The following CD68 variants were observed in gnomAD, a reference collection of about 807,000 sequenced individuals.
CD68 encodes the protein CD68 molecule, also known as macrosialin.
In CD68, 24 loss-of-function variants were observed where a neutral mutation model predicts 31.3. The ratio of observed to expected loss-of-function variants is 0.77; its 90% CI spans 0.55 to 1.08. The LOEUF is 1.08. Ranked by LOEUF, CD68 falls within the 50% of genes least tolerant of loss-of-function variation. The pLI, the probability that CD68 is intolerant of heterozygous loss-of-function variation, is 0.00. For synonymous variants in CD68, 190 were observed against 179.6 expected, an observed-to-expected ratio of 1.06 and a Z score of -0.46; for missense variants, 461 against 442.5, an observed-to-expected ratio of 1.04 and a Z score of -0.38.
At position 7,580,428 on chromosome 17, in the gene CD68, A is replaced by G. The variant is rs757529147; in HGVS notation, c.568-38A>G. 3 of 1,612,822 alleles carry G rather than the reference A, an allele frequency of 1.9e-6. No homozygotes were observed. Among genetic ancestry groups the G allele is most frequent in the Middle Eastern group, 3.3e-4 (2 of 6,062 alleles). On this transcript the variant is annotated intron_variant, in intron 2 of 5. Transcript: ENST00000250092. This position sits in a 1 kb window ranked among gnomAD's most constrained non-coding sequence, Gnocchi z 4.3. ...GACAGGGAACCTTGGCCGGCATCGC[A>G]TGCAGTCTTGTGACCTTCCAGTCTT...
chr17:7,579,915 G>A lies in CD68; in HGVS notation c.155G>A (p.Arg52Lys). 1.2e-6 allele frequency: 2 copies of A among 1,613,894 alleles called. No homozygotes were observed. The highest frequency in any genetic ancestry group is 1.7e-6 in the Non-Finnish European group (2 of 1,179,914). The stretch of plus-strand genomic sequence containing the variant: ...GAGAGCACTGGAACAACCAGCCACA[G>A]GACTACCAAGAGCCACAAAACCACC... ...VTESTGTTSH[R>K]TTKSHKTTTH... The change falls in exon 2 of 6, where the codon AGG becomes AAG. Residue 52 changes from arginine (R) to lysine (K), a missense_variant. Transcript: ENST00000250092.
chr17:7,581,268 T>C (rs2071481539), intron 5 of CD68, 110 bp from the exon 6 acceptor site: 1 of 1,369,900 alleles, frequency 7.3e-7, no homozygotes, highest in African/African-American at 1.4e-5. Context: ...GTCACTGCGG[T>C]GAGCTCCTCA....
Position 7,581,560 on chromosome 17 carries a change from G to GGGGA in CD68, c.*52_*53insAGGG, listed in dbSNP as rs963720197. ...ACTGAGGGGGTTGGGGTGTGGTGGG[G>GGGGA]GGGTACCCTTATTTCCTCGACACGC... On this transcript the variant is annotated 3_prime_UTR_variant, in exon 6 of 6. Coordinates refer to ENST00000250092, the MANE Select transcript of CD68 (RefSeq NM_001251.3). 7 of 1,594,656 alleles carry GGGGA rather than the reference G, an allele frequency of 4.4e-6. No individual in the cohort carries two copies. The highest frequency in any genetic ancestry group is 1.3e-5 in the African/African-American group (1 of 74,618).
Position 7,579,980 on chromosome 17 carries a change from C to G in CD68, c.220C>G (p.Pro74Ala), listed in dbSNP as rs777785825. 15 of 1,609,004 alleles carry G rather than the reference C, an allele frequency of 9.3e-6. No homozygotes were observed. Among genetic ancestry groups the G allele is most frequent in the African/African-American group, 2.7e-5 (2 of 74,832 alleles). The change falls in exon 2 of 6, where the codon CCC becomes GCC. Residue 74 changes from proline (P) to alanine (A), a missense_variant. By Grantham distance (27) the Pro-to-Ala change is conservative. Coordinates refer to ENST00000250092, the MANE Select transcript of CD68 (RefSeq NM_001251.3). ...TTTTGTTSHG[P>A]TTATHNPTTT... The stretch of plus-strand genomic sequence containing the variant: ...CACCACAGGCACCACCAGCCACGGA[C>G]CCACGACTGCCACTCACAACCCCAC...
rs919495617 is a variant in CD68, at chr17:7,579,647, C to G, written c.-31C>G. On this transcript the variant is annotated 5_prime_UTR_variant, in exon 1 of 6. Coordinates refer to ENST00000250092, the MANE Select transcript of CD68 (RefSeq NM_001251.3). ...GGGTTGAGCAACTGGTGCAGACAGC[C>G]TAGCTGGACTTTGGGTGAGGCGGTT... 1.3e-6 allele frequency: 2 copies of G among 1,595,274 alleles called. No individual in the cohort carries two copies. The highest frequency in any genetic ancestry group is 1.7e-6 in the Non-Finnish European group (2 of 1,171,662).
At position 7,579,724 on chromosome 17, in the gene CD68, C is replaced by G; in HGVS notation, c.47C>G (p.Ala16Gly). ...LFSGALLGLL[A>G]AQGTGNDCPH... ...TCGGGGGCCCTGCTGGGGCTACTGG[C>G]AGGTAAGGAGGAAGGAGGCTGAGGG... The change falls in exon 1 of 6, where the codon GCA (alanine) becomes GGA (glycine). Residue 16 changes from alanine (A) to glycine (G), a missense_variant and splice_region_variant. Physicochemically the swap from Ala to Gly is moderately conservative, Grantham distance 60. Coordinates refer to ENST00000250092, the MANE Select transcript of CD68 (RefSeq NM_001251.3). 1 of 1,603,570 alleles carries G rather than the reference C, an allele frequency of 6.2e-7. No homozygotes were observed. Among genetic ancestry groups the G allele is most frequent in the Non-Finnish European group, 8.5e-7 (1 of 1,175,670 alleles).
chr17:7,579,686 G>A lies in CD68; in HGVS notation c.9G>A (p.Leu3=). The change falls in exon 1 of 6, where the codon CTG becomes CTA. Residue 3 remains leucine (L), a synonymous_variant. Coordinates refer to ENST00000250092, the MANE Select transcript of CD68 (RefSeq NM_001251.3). Reference sequence around the variant, plus strand: ...GGTGAGGCGGTTCAGCCATGAGGCTGGCTGTGCTTTTCTCGGGGGCCCTGC... The same window carrying A: ...GGTGAGGCGGTTCAGCCATGAGGCTAGCTGTGCTTTTCTCGGGGGCCCTGC... MR[L]AVLFSGALLG... 2 of 1,604,418 alleles carry A rather than the reference G, an allele frequency of 1.2e-6. No individual in the cohort carries two copies. The highest frequency in any genetic ancestry group is 2.2e-5 in the East Asian group (1 of 44,794).
rs2071472672 is a variant in CD68, at chr17:7,580,675, A to T, written c.688-36A>T. On this transcript the variant is annotated intron_variant, in intron 3 of 5. Transcript: ENST00000250092. This position sits in a 1 kb window ranked among gnomAD's most constrained non-coding sequence, Gnocchi z 4.3. ...ACACGCTACTCCTTCCTCTGTGGAGAGGGATACCACCTGCGCCTTCCTCTT... is the reference window on the plus strand; with the variant it reads ...ACACGCTACTCCTTCCTCTGTGGAGTGGGATACCACCTGCGCCTTCCTCTT... The T allele has an allele frequency of 6.2e-7, 1 of 1,613,386 alleles. No individual in the cohort carries two copies. Among genetic ancestry groups the T allele is most frequent in the Non-Finnish European group, 8.5e-7 (1 of 1,179,678 alleles).
rs2150929772 is a variant in CD68 at position 7,580,291 on chromosome 17, G to T, written c.531G>T (p.Gln177His). ...GTGTCCACCTCCAAGCCCAGATTCA[G>T]ATTCGAGTCATGTACACAACCCAGG... The part of the protein sequence containing the change: ...QPCVHLQAQI[Q>H]IRVMYTTQGG... The change falls in exon 2 of 6, where the codon CAG becomes CAT. Residue 177 changes from glutamine to histidine, a missense_variant. Transcript: ENST00000250092. This position sits in a 1 kb window ranked among gnomAD's most constrained non-coding sequence, Gnocchi z 4.3. The T allele has an allele frequency of 6.8e-6, 11 of 1,613,990 alleles. No individual in the cohort carries two copies. Among genetic ancestry groups the T allele is most frequent in the East Asian group, 2.2e-5 (1 of 44,876 alleles).
chr17:7,580,158 G>A lies in CD68; in HGVS notation c.398G>A (p.Gly133Glu), dbSNP rs150070266. 3.1e-6 allele frequency: 5 copies of A among 1,614,074 alleles called. No homozygotes were observed. The African/African-American group carries it at 5.3e-5, about 17-fold the overall frequency. Residue 133 changes from glycine to glutamate, a missense_variant, in exon 2 of 6, where the codon GGA becomes GAA. Gly to Glu is a moderately conservative substitution (Grantham distance 98, BLOSUM62 -2). Transcript: ENST00000250092. This position sits in a 1 kb window ranked among gnomAD's most constrained non-coding sequence, Gnocchi z 4.3. ...PTSNSTATSP[G>E]FTSSAHPEPP... ...AGCAACAGCACTGCCACCAGCCCAG[G>A]ATTCACCAGTTCTGCCCACCCAGAA...
In CD68 at chr17:7,579,731, G is replaced by A. The variant is rs1174581215; in HGVS notation, c.49+5G>A. 3.7e-6 allele frequency: 6 copies of A among 1,604,222 alleles called. No individual in the cohort carries two copies. The highest frequency in any genetic ancestry group is 1.3e-5 in the African/African-American group (1 of 74,576). ...CCCTGCTGGGGCTACTGGCAGGTAAGGAGGAAGGAGGCTGAGGGGAGGGGG... is the reference window on the plus strand; with the variant it reads ...CCCTGCTGGGGCTACTGGCAGGTAAAGAGGAAGGAGGCTGAGGGGAGGGGG... On this transcript the variant is annotated splice_donor_5th_base_variant and intron_variant, in intron 1 of 5. Transcript: ENST00000250092.
chr17:7,580,376 T>G lies in CD68; in HGVS notation c.567+49T>G. 6.2e-7 allele frequency: 1 copy of G among 1,608,684 alleles called. No individual in the cohort carries two copies. The highest frequency in any genetic ancestry group is 8.5e-7 in the Non-Finnish European group (1 of 1,176,334). On this transcript the variant is annotated intron_variant, in intron 2 of 5. Coordinates refer to ENST00000250092, the MANE Select transcript of CD68 (RefSeq NM_001251.3). This position sits in a 1 kb window ranked among gnomAD's most constrained non-coding sequence, Gnocchi z 4.3. ...GAGGGGAGGGAGGCAGGACTGGATA[T>G]AGGCTCAGAGGGAAGAAGGAAGAGG...
rs772435369 is a variant in CD68, at chr17:7,580,448, A to C, written c.568-18A>C. ...ATCGCATGCAGTCTTGTGACCTTCC[A>C]GTCTTTAACTTCCGCAGGCCTGGGG... On this transcript the variant is annotated intron_variant, in intron 2 of 5. Transcript: ENST00000250092. This position sits in a 1 kb window ranked among gnomAD's most constrained non-coding sequence, Gnocchi z 4.3. The C allele has an allele frequency of 1.2e-6, 2 of 1,613,940 alleles. No homozygotes were observed. The highest frequency in any genetic ancestry group is 2.2e-5 in the East Asian group (1 of 44,862).
chr17:7,580,841 G>A lies in CD68; in HGVS notation c.761-55G>A. The A allele has an allele frequency of 1.2e-6, 2 of 1,613,760 alleles. No homozygotes were observed. Among genetic ancestry groups the A allele is most frequent in the Non-Finnish European group, 1.7e-6 (2 of 1,179,776 alleles). ...CACTAGACGCCAGGGTTCCTGAAAGGACTAAGCTGGGGCCAGGGAGGTGGA... is the reference window on the plus strand; with the variant it reads ...CACTAGACGCCAGGGTTCCTGAAAGAACTAAGCTGGGGCCAGGGAGGTGGA... On this transcript the variant is annotated intron_variant, in intron 4 of 5. Coordinates refer to ENST00000250092, the MANE Select transcript of CD68 (RefSeq NM_001251.3). The surrounding 1 kb of genome is among the most constrained non-coding windows in gnomAD (Gnocchi z 4.3).
Position 7,579,888 on chromosome 17 carries a change from C to CAG in CD68, c.133_134dup (p.Ser45ArgfsTer153), listed in dbSNP as rs772171846. On this transcript the variant is annotated frameshift_variant, in exon 2 of 6. Coordinates refer to ENST00000250092, the MANE Select transcript of CD68 (RefSeq NM_001251.3). LOFTEE classifies it high-confidence loss of function. ...TCCTTCACGGTGACACCCACGGTTA[C>CAG]AGAGAGCACTGGAACAACCAGCCAC... 6.2e-7 allele frequency: 1 copy of CAG among 1,614,076 alleles called. No individual in the cohort carries two copies. Among genetic ancestry groups the CAG allele is most frequent in the East Asian group, 2.2e-5 (1 of 44,876 alleles).
rs750846822 is a variant in CD68 at position 7,579,962 on chromosome 17, G to A, written c.202G>A (p.Gly68Ser). The A allele has an allele frequency of 1.2e-6, 2 of 1,613,446 alleles. No individual in the cohort carries two copies. Among genetic ancestry groups the A allele is most frequent in the African/African-American group, 1.3e-5 (1 of 74,800 alleles). The part of the protein sequence containing the change: ...KTTTHRTTTT[G>S]TTSHGPTTAT... ...CACCACTCACAGGACAACCACCACAGGCACCACCAGCCACGGACCCACGAC... is the reference window on the plus strand; with the variant it reads ...CACCACTCACAGGACAACCACCACAAGCACCACCAGCCACGGACCCACGAC... Residue 68 changes from glycine (G) to serine (S), a missense_variant, in exon 2 of 6, where the codon GGC becomes AGC. Coordinates refer to ENST00000250092, the MANE Select transcript of CD68 (RefSeq NM_001251.3).
chr17:7,581,173 C>A, intron 5 of CD68, 107 bp downstream of exon 5: 1 of 1,207,460 alleles, frequency 8.3e-7, no homozygotes, highest in Non-Finnish European at 1.2e-6. Context: ...CCAAATCTCG[C>A]TCTCCCAGCT....
rs2071489194 is a variant in CD68, at chr17:7,581,828, T to TGAGG, written c.*318_*321dup. 1 of 326,958 alleles carries TGAGG rather than the reference T, an allele frequency of 3.1e-6. No homozygotes were observed. Among genetic ancestry groups the TGAGG allele is most frequent in the East Asian group, 7.3e-5 (1 of 13,728 alleles). 20.3% of individuals were successfully genotyped at this position (326,958 alleles called of 1,614,324 possible). A position where few individuals can be genotyped will look rare whatever the true frequency, so the allele number is the denominator to read the frequency against. ...CTGTAATCCCAGCTACTTGGGAGGC[T>TGAGG]GAGGCAGAACTGCTTGAACCCAGGA... is the stretch of plus-strand genomic sequence containing the variant. On this transcript the variant is annotated 3_prime_UTR_variant, in exon 6 of 6. Coordinates refer to ENST00000250092, the MANE Select transcript of CD68 (RefSeq NM_001251.3).
chr17:7,580,895 G>A lies in CD68; in HGVS notation c.761-1G>A. The A allele has an allele frequency of 6.2e-7, 1 of 1,614,032 alleles. No individual in the cohort carries two copies. The highest frequency in any genetic ancestry group is 8.5e-7 in the Non-Finnish European group (1 of 1,179,980). On this transcript the variant is annotated splice_acceptor_variant, in intron 4 of 5. Coordinates refer to ENST00000250092, the MANE Select transcript of CD68 (RefSeq NM_001251.3). LOFTEE classifies it high-confidence loss of function. The surrounding 1 kb of genome is among the most constrained non-coding windows in gnomAD (Gnocchi z 4.3). The stretch of plus-strand genomic sequence containing the variant: ...GATCTGACCCTTCCTCACTCCTCCA[G>A]AGTGGACATTCTCGGCTCAGAATGC...
Sources: allele counts gnomAD v4.1 joint callset, GRCh38; gene constraint gnomAD v4.1.1; non-coding constraint Gnocchi (gnomAD v3.1); transcripts MANE v1.5; gene names NCBI Gene and HGNC (gene_info 2026-07-23, HGNC 2026-07-21).